Variants in APTX observed in about 807,000 individuals in gnomAD.
The protein encoded by APTX is aprataxin.
Under a neutral mutation model 42.3 loss-of-function variants are expected in APTX, and 33 were observed. The ratio of observed to expected loss-of-function variants is 0.78; its 90% CI spans 0.59 to 1.04. APTX has a LOEUF of 1.04. Ranked by LOEUF, APTX falls within the 50% of genes least tolerant of loss-of-function variation. APTX has a pLI of 0.00. For missense variants in APTX, 421 were observed against 415.1 expected (o/e 1.01, Z -0.12); for synonymous variants, 130 against 146.7 (o/e 0.89, Z 0.82).
intron 1 of APTX, chr9:33,001,335 G>T: frequency 1.3e-6 from 2 of 1,525,014 alleles, no homozygotes; most frequent in Non-Finnish European, 1.8e-6. Context: ...GTACATACAG[G>T]TGTCGGGAGC....
At chr9:32,976,122 A>C (rs1445992971) in intron 6 of APTX, among the ~76,000 whole-genome samples, 1 of 152,028 alleles carries the variant, frequency 6.6e-6, no homozygotes, top group African/African-American at 2.4e-5. Context: ...ATAAACTATC[A>C]CAAGGACAGA....
chr9:32,986,247 C>G (rs1005433540), intron 4 of APTX: 1 of 676,786 alleles, frequency 1.5e-6, no homozygotes, highest in East Asian at 2.8e-5. Context: ...AAGTCTCACT[C>G]TGTCTCACCC....
At chr9:33,001,285 C>G in intron 1 of APTX, 2 of 1,471,636 alleles carry the variant, frequency 1.4e-6, no homozygotes, top group Non-Finnish European at 1.8e-6. Flanking sequence ...TTGGACAGGG[C>G]CCATTCTCTA....
chr9:33,003,315 G>T (rs1236510054), upstream of APTX, among the ~76,000 whole-genome samples: 1 of 152,274 alleles, frequency 6.6e-6, no homozygotes, highest in Middle Eastern at 3.4e-3. Flanking sequence ...ATAGCTAAAG[G>T]TATGGCAGGC....
At position 32,973,547 on chromosome 9, in the gene APTX, G is replaced by GGCA. The variant is rs759723787; in HGVS notation, c.977_979dup (p.Leu326dup). 1 of 1,613,944 alleles carries GGCA rather than the reference G, an allele frequency of 6.2e-7. No individual in the cohort carries two copies. The highest frequency in any genetic ancestry group is 1.3e-5 in the African/African-American group (1 of 74,884). The stretch of plus-strand genomic sequence containing the variant: ...ATGTTCTTTCAGCTGAGGAATGGAA[G>GGCA]GCAGCAGCTGCTGGCACTCATGACA... On this transcript the variant is annotated inframe_insertion, in exon 8 of 8. Coordinates refer to ENST00000379817, the MANE Select transcript of APTX (RefSeq NM_001195248.2).
intron 1 of APTX, among the ~76,000 whole-genome samples, chr9:33,021,285 T>C (rs758778272): frequency 2.6e-5 from 4 of 151,956 alleles, no homozygotes; most frequent in Non-Finnish European, 5.9e-5. Flanking sequence ...AAAATAAATA[T>C]ACAGTTATAT....
intron 1 of APTX, among the ~76,000 whole-genome samples, chr9:33,016,488 A>G (rs1430984025): frequency 6.6e-6 from 1 of 152,224 alleles, no homozygotes; most frequent in East Asian, 1.9e-4. Context: ...AGTATAAAAC[A>G]TTACAACCAT....
At position 32,974,568 on chromosome 9, in the gene APTX, G is replaced by GAA; in HGVS notation, c.771-9_771-8dup. 1 of 1,471,644 alleles carries GAA rather than the reference G, an allele frequency of 6.8e-7. No individual in the cohort carries two copies. Among genetic ancestry groups the GAA allele is most frequent in the Admixed American group, 2.0e-5 (1 of 50,864 alleles). The allele number at this position is 1,471,644 out of a possible 1,614,324, so 91.2% of individuals were successfully genotyped here. The stretch of plus-strand genomic sequence containing the variant: ...CACATGAAGATGTACATGGCTAGTT[G>GAA]AAAGAAAAAAAAACTGAGCATTAAA... On this transcript the variant is annotated splice_polypyrimidine_tract_variant and splice_region_variant and intron_variant, in intron 6 of 7. Coordinates refer to ENST00000379817, the MANE Select transcript of APTX (RefSeq NM_001195248.2).
chr9:33,015,019 C>T lies in APTX; in HGVS notation c.-5+10004G>A, dbSNP rs140836443. 4.0e-4 allele frequency among the ~76,000 whole-genome samples: 61 copies of T among 152,276 alleles called. No homozygotes were observed. In the East Asian group the frequency reaches 9.5e-3, roughly 24 times the overall value. On this transcript the variant is annotated intron_variant, in intron 1 of 6. Transcript: ENST00000436040. ...GTCAGTTTAGAGACAAATTCATGGC[C>T]CAGCTGTATCAAATGTGAAGGTCAT... is the stretch of plus-strand genomic sequence containing the variant.
At chr9:33,022,215 T>C (rs112058280) in intron 1 of APTX, among the ~76,000 whole-genome samples, 79 of 152,174 alleles carry the variant, frequency 5.2e-4, no homozygotes, top group African/African-American at 1.8e-3. Flanking sequence ...CAGACTAATA[T>C]CTACCCCTAA....
chr9:32,989,906 A>G lies in APTX; in HGVS notation c.-4-11T>C. On this transcript the variant is annotated splice_polypyrimidine_tract_variant and intron_variant, in intron 1 of 7. Transcript: ENST00000379817. The stretch of plus-strand genomic sequence containing the variant: ...ACCCGCATCATCACTCTAAGGGACA[A>G]AACAAAAGAATCACTAGAAAAACAG... The G allele has an allele frequency of 6.2e-7, 1 of 1,612,454 alleles. No homozygotes were observed. Among genetic ancestry groups the G allele is most frequent in the Non-Finnish European group, 8.5e-7 (1 of 1,179,362 alleles).
chr9:33,001,823 T>G (rs1244229162), upstream of APTX, among the ~76,000 whole-genome samples: 2 of 152,208 alleles, frequency 1.3e-5, no homozygotes, highest in Non-Finnish European at 2.9e-5. Context: ...AGCATCTCTC[T>G]GCCTGAGGGC....
intron 1 of APTX, among the ~76,000 whole-genome samples, chr9:32,999,146 A>C (rs757269749): frequency 2.0e-5 from 3 of 152,240 alleles, no homozygotes; most frequent in African/African-American, 2.4e-5. Context: ...AGAAGAAGGG[A>C]GTAAAGGGAT....
upstream of APTX, among the ~76,000 whole-genome samples, chr9:33,003,443 G>A (rs1033706261): frequency 2.6e-5 from 4 of 152,150 alleles, no homozygotes; most frequent in Admixed American, 6.6e-5. Flanking sequence ...CACTTTGGGA[G>A]GCCAACGCAG....
Position 32,973,540 on chromosome 9 carries a change from A to C in APTX, c.987T>G (p.Ile329Met). Residue 329 changes from isoleucine (I) to methionine (M), a missense_variant, in exon 8 of 8, where the codon ATT becomes ATG. Physicochemically the swap from Ile to Met is conservative, Grantham distance 10. Transcript: ENST00000379817. The stretch of plus-strand genomic sequence containing the variant: ...TCCTGAGATGTTCTTTCAGCTGAGG[A>C]ATGGAAGGCAGCAGCTGCTGGCACT... ...CHECQQLLPSIPQLKEHLRKH... is the reference protein window; with the variant it reads ...CHECQQLLPSMPQLKEHLRKH... 6.2e-7 allele frequency: 1 copy of C among 1,614,028 alleles called. No individual in the cohort carries two copies. The highest frequency in any genetic ancestry group is 1.1e-5 in the South Asian group (1 of 91,072).
intron 1 of APTX, among the ~76,000 whole-genome samples, chr9:33,015,538 T>C (rs959553410): frequency 6.6e-6 from 1 of 152,134 alleles, no homozygotes; most frequent in Non-Finnish European, 1.5e-5. Context: ...TTTGTATTTT[T>C]AGTAGAGACA....
At position 32,973,506 on chromosome 9, in the gene APTX, T is replaced by C. The variant is rs755113127; in HGVS notation, c.1021A>G (p.Thr341Ala). 6.8e-6 allele frequency: 11 copies of C among 1,613,948 alleles called. No individual in the cohort carries two copies. Among genetic ancestry groups the C allele is most frequent in the African/African-American group, 1.3e-5 (1 of 74,900 alleles). The change falls in exon 8 of 8, where the codon ACA (threonine) becomes GCA (alanine). Residue 341 changes from threonine to alanine, a missense_variant. By Grantham distance (58) the Thr-to-Ala change is moderately conservative. Transcript: ENST00000379817. The stretch of plus-strand genomic sequence containing the variant: ...GCTCAGGCTCTGCAGAATCACTGTG[T>C]CCAGTGCTTCCTGAGATGTTCTTTC... ...QLKEHLRKHW[T>A]Q
chr9:32,996,442 A>G (rs1434380534), intron 1 of APTX, among the ~76,000 whole-genome samples: 1 of 151,970 alleles, frequency 6.6e-6, no homozygotes, highest in Non-Finnish European at 1.5e-5. Flanking sequence ...TGCCTTGCTA[A>G]TTTATTTTAT....
chr9:32,974,460 T>G lies in APTX; in HGVS notation c.872A>C (p.Gln291Pro). 1 of 1,550,974 alleles carries G rather than the reference T, an allele frequency of 6.4e-7. No individual in the cohort carries two copies. Among genetic ancestry groups the G allele is most frequent in the Non-Finnish European group, 8.9e-7 (1 of 1,122,978 alleles). Reference protein sequence around the residue: ...SFNTEYFLESQAVIEMVQEAG... With the variant: ...SFNTEYFLESPAVIEMVQEAG... Reference sequence around the variant, plus strand: ...GAAAACCAAGGAACACTGTTTACCTTGTGATTCTAGGAAGTATTCTGTATT... The same window carrying G: ...GAAAACCAAGGAACACTGTTTACCTGGTGATTCTAGGAAGTATTCTGTATT... The change falls in exon 7 of 8, where the codon CAA becomes CCA. Residue 291 changes from glutamine (Q) to proline (P), a missense_variant and splice_region_variant. By Grantham distance (76) the Gln-to-Pro change is moderately conservative. Coordinates refer to ENST00000379817, the MANE Select transcript of APTX (RefSeq NM_001195248.2).
Sources: gnomAD v4.1 joint callset for allele counts (sites outside exome capture counted in the v4.1 genomes callset) on GRCh38, gnomAD v4.1.1 for gene constraint, MANE v1.5 for transcripts, NCBI Gene and HGNC (gene_info 2026-07-23, HGNC 2026-07-21) for gene names.